CHN1: variants seen among roughly 807,000 people sequenced by gnomAD.
CHN1 encodes the protein N-chimaerin.
Under a neutral mutation model 59.5 loss-of-function variants are expected in CHN1, and 37 were observed. The observed-to-expected ratio is 0.62, with a 90% confidence interval of 0.48 to 0.82. The LOEUF (loss-of-function observed/expected upper bound fraction) is 0.82, where lower values mean the gene tolerates loss of function less well. Among genes scored for constraint, CHN1 ranks in the 40% least tolerant of loss-of-function variants. The pLI is 0.00. For synonymous variants in CHN1, 206 were observed against 200.4 expected, an observed-to-expected ratio of 1.03 and a Z score of -0.24; for missense variants, 469 against 571.0, an observed-to-expected ratio of 0.82 and a Z score of 1.82.
At chr2:174,975,881 G>A (rs1690907577) in intron 1 of CHN1, among the ~76,000 whole-genome samples, 1 of 151,830 alleles carries the variant, frequency 6.6e-6, no homozygotes, top group South Asian at 2.1e-4. Flanking sequence ...CAGCACTTTG[G>A]GAGGCCGAGG....
At chr2:174,859,528 A>G (rs1687008076) in intron 6 of CHN1, among the ~76,000 whole-genome samples, 1 of 152,220 alleles carries the variant, frequency 6.6e-6, no homozygotes, top group Admixed American at 6.5e-5. Flanking sequence ...ACCCGGCTAA[A>G]AAGAAATCCA....
chr2:174,842,132 T>G (rs1686327453), intron 7 of CHN1, among the ~76,000 whole-genome samples: 1 of 152,202 alleles, frequency 6.6e-6, no homozygotes, highest in South Asian at 2.1e-4. Context: ...GTCCCCCGCA[T>G]GTCACACTGT....
intron 1 of CHN1, among the ~76,000 whole-genome samples, chr2:174,981,598 A>C (rs1048602435): frequency 4.6e-5 from 7 of 152,222 alleles, no homozygotes; most frequent in African/African-American, 1.7e-4. Context: ...CAAAGCAATA[A>C]AATAAATTCT....
chr2:174,851,461 T>C (rs557221499), intron 6 of CHN1, among the ~76,000 whole-genome samples: 1 of 152,264 alleles, frequency 6.6e-6, no homozygotes, highest in African/African-American at 2.4e-5. Context: ...TGTATTTTTT[T>C]TCTAGAGATG....
At chr2:174,989,032 T>A (rs1207019136) in intron 1 of CHN1, among the ~76,000 whole-genome samples, 1 of 152,204 alleles carries the variant, frequency 6.6e-6, no homozygotes, top group South Asian at 2.1e-4. Context: ...AAAAGTCCTA[T>A]GAACTATGTA....
At chr2:174,843,349 C>T (rs1686381958) in intron 7 of CHN1, among the ~76,000 whole-genome samples, 1 of 152,094 alleles carries the variant, frequency 6.6e-6, no homozygotes, top group Admixed American at 6.6e-5. Context: ...AAGCGATTGT[C>T]CTGCCTCAGC....
At chr2:174,880,707 A>T (rs1270983177) in intron 5 of CHN1, among the ~76,000 whole-genome samples, 1 of 152,186 alleles carries the variant, frequency 6.6e-6, no homozygotes, top group Non-Finnish European at 1.5e-5. Flanking sequence ...CCCCAGTGGT[A>T]AAAAGATAAA....
chr2:174,877,853 A>G lies in CHN1; in HGVS notation c.536T>C (p.Val179Ala). ...DERDSTGQDG[V>A]SEKRLTSLVR... The stretch of plus-strand genomic sequence containing the variant: ...ATAGTAGCTTACCCTTTTCTCTGAC[A>G]CCCCATCCTGGCCTGTAGAATCTCT... Residue 179 changes from valine to alanine, a missense_variant, in exon 6 of 13, where the codon GTG becomes GCG. Transcript: ENST00000409900. 6.2e-7 allele frequency: 1 copy of G among 1,611,800 alleles called. No homozygotes were observed. Among genetic ancestry groups the G allele is most frequent in the Non-Finnish European group, 8.5e-7 (1 of 1,178,724 alleles).
chr2:174,831,505 T>C (rs1418627931), intron 7 of CHN1, among the ~76,000 whole-genome samples: 2 of 152,280 alleles, frequency 1.3e-5, no homozygotes, highest in East Asian at 3.9e-4. Context: ...GATGTGGAAA[T>C]ATCAAAGTTC....
intron 3 of CHN1, among the ~76,000 whole-genome samples, chr2:174,928,415 A>G (rs1400192030): frequency 9.2e-5 from 14 of 152,256 alleles, no homozygotes; most frequent in Admixed American, 8.5e-4. Context: ...TCACAAATGA[A>G]AATCATGACT....
chr2:174,951,930 G>C (rs1291150660), intron 2 of CHN1, among the ~76,000 whole-genome samples: 2 of 152,132 alleles, frequency 1.3e-5, no homozygotes, highest in African/African-American at 2.4e-5. Context: ...TCACTACATG[G>C]AATTCATATA....
chr2:174,895,712 G>C (rs1252902558), intron 5 of CHN1, among the ~76,000 whole-genome samples: 10 of 152,010 alleles, frequency 6.6e-5, no homozygotes, highest in Admixed American at 5.9e-4. Context: ...TCTAAAAACT[G>C]AATGGGCCAT....
At chr2:174,913,946 T>A (rs1045806496) in intron 5 of CHN1, among the ~76,000 whole-genome samples, 1 of 152,202 alleles carries the variant, frequency 6.6e-6, no homozygotes, top group Non-Finnish European at 1.5e-5. Flanking sequence ...AATGTATATA[T>A]GAATGAACAA....
chr2:174,985,584 C>T (rs1173031501), intron 1 of CHN1, among the ~76,000 whole-genome samples: 1 of 152,114 alleles, frequency 6.6e-6, no homozygotes, highest in Non-Finnish European at 1.5e-5. Context: ...CTACAAGCCT[C>T]ATAAATCATA....
intron 7 of CHN1, among the ~76,000 whole-genome samples, chr2:174,835,715 C>T (rs1686053479): frequency 6.6e-6 from 1 of 151,896 alleles, no homozygotes; most frequent in Admixed American, 6.6e-5. Context: ...ATACTTTTCA[C>T]CTCTAGAGAT....
intron 5 of CHN1, among the ~76,000 whole-genome samples, chr2:174,913,521 C>T (rs1446683712): frequency 1.3e-5 from 2 of 152,006 alleles, no homozygotes; most frequent in Admixed American, 1.3e-4. Flanking sequence ...ATTTGAATTG[C>T]CATACCAGAA....
At chr2:174,827,852 G>A (rs1460613457) in intron 7 of CHN1, among the ~76,000 whole-genome samples, 3 of 152,168 alleles carry the variant, frequency 2.0e-5, no homozygotes, top group Admixed American at 6.5e-5. Context: ...GGGGAAGAAT[G>A]ACATTAACAG....
intron 5 of CHN1, among the ~76,000 whole-genome samples, chr2:174,914,065 T>C (rs891047163): frequency 1.3e-5 from 2 of 152,240 alleles, no homozygotes; most frequent in African/African-American, 4.8e-5. Flanking sequence ...TGGGTTCAAA[T>C]AGCAGCAGCA....
chr2:174,942,578 T>C (rs1283374641), intron 3 of CHN1, among the ~76,000 whole-genome samples: 1 of 152,046 alleles, frequency 6.6e-6, no homozygotes, highest in African/African-American at 2.4e-5. Context: ...GAGTTACAAA[T>C]AATTTATATT....
Sources: allele counts gnomAD v4.1 joint callset (sites outside exome capture counted in the v4.1 genomes callset), GRCh38; gene constraint gnomAD v4.1.1; transcripts MANE v1.5; gene names NCBI Gene and HGNC (gene_info 2026-07-23, HGNC 2026-07-21).